DENND1A: variants seen among roughly 807,000 people sequenced by gnomAD.
The protein encoded by DENND1A is DENN domain containing 1A.
DENND1A carries 51 observed loss-of-function variants against 113.7 expected under a neutral mutation model. The observed-to-expected ratio is 0.45, with a 90% CI of 0.36 to 0.57. The LOEUF is 0.57. Ranked by LOEUF, DENND1A falls within the 20% of genes least tolerant of loss-of-function variation. The pLI is 0.00. For missense variants in DENND1A, 1,258 were observed against 1,395.9 expected (o/e 0.90, Z 1.57); for synonymous variants, 565 against 570.8 (o/e 0.99, Z 0.14).
intron 3 of DENND1A, among the ~76,000 whole-genome samples, chr9:123,785,715 G>A (rs1026022251): frequency 4.0e-5 from 6 of 151,864 alleles, no homozygotes; most frequent in Admixed American, 2.0e-4. Flanking sequence ...CAAGAAACCC[G>A]CTTCAGCAGA....
At chr9:123,475,309 G>T (rs1353909765) in intron 13 of DENND1A, among the ~76,000 whole-genome samples, 3 of 152,134 alleles carry the variant, frequency 2.0e-5, no homozygotes, top group African/African-American at 7.2e-5. Context: ...ATGAACCACC[G>T]CATCTGGCCT....
intron 21 of DENND1A, among the ~76,000 whole-genome samples, chr9:123,393,842 G>A (rs867326134): frequency 1.3e-5 from 2 of 152,308 alleles, no homozygotes; most frequent in Middle Eastern, 3.4e-3. Context: ...CCAGTGAACT[G>A]GTTTAGGGGA....
At chr9:123,863,491 A>T (rs1450117751) in intron 2 of DENND1A, among the ~76,000 whole-genome samples, 1 of 152,230 alleles carries the variant, frequency 6.6e-6, no homozygotes, top group Non-Finnish European at 1.5e-5. Context: ...TTGTCATAAA[A>T]GCTGCAGAGT....
intron 19 of DENND1A, among the ~76,000 whole-genome samples, chr9:123,425,280 G>A (rs576943263): frequency 1.6e-4 from 25 of 152,290 alleles, no homozygotes; most frequent in Non-Finnish European, 3.2e-4. Flanking sequence ...ATATCTCCCC[G>A]GCAGGGAGCT....
chr9:123,856,751 G>C, intron 2 of DENND1A, among the ~76,000 whole-genome samples: 1 of 151,840 alleles, frequency 6.6e-6, no homozygotes, highest in Admixed American at 6.5e-5. Context: ...AGGCAGAAGA[G>C]GCAGAGCGAC....
chr9:123,656,953 A>G (rs1396550790), intron 8 of DENND1A, among the ~76,000 whole-genome samples: 1 of 152,110 alleles, frequency 6.6e-6, no homozygotes, highest in Non-Finnish European at 1.5e-5. Context: ...TTACACATAC[A>G]TTTATGTCCC....
chr9:123,856,929 A>T (rs1418060452), intron 2 of DENND1A, among the ~76,000 whole-genome samples: 1 of 152,138 alleles, frequency 6.6e-6, no homozygotes, highest in Admixed American at 6.5e-5. Context: ...ACAAATATGG[A>T]AAGGGAGAAA....
chr9:123,403,127 CCTT>C (rs1249307891), intron 21 of DENND1A, among the ~76,000 whole-genome samples: 1 of 152,228 alleles, frequency 6.6e-6, no homozygotes. Flanking sequence ...AGGCCTAGGA[CCTT>C]CTTCTGAACC....
intron 13 of DENND1A, among the ~76,000 whole-genome samples, chr9:123,511,502 G>A (rs1469292279): frequency 1.3e-5 from 2 of 152,192 alleles, no homozygotes; most frequent in African/African-American, 4.8e-5. Flanking sequence ...CCCAGCACAG[G>A]GCTGAGGACA....
At chr9:123,458,688 G>A (rs766044105) in intron 13 of DENND1A, among the ~76,000 whole-genome samples, 44 of 152,310 alleles carry the variant, frequency 2.9e-4, no homozygotes, top group African/African-American at 7.9e-4. Context: ...TAGGCCAGGC[G>A]CGGTGGCTCA....
intron 13 of DENND1A, among the ~76,000 whole-genome samples, chr9:123,523,622 A>C (rs1322049160): frequency 6.6e-6 from 1 of 152,208 alleles, no homozygotes; most frequent in Non-Finnish European, 1.5e-5. Context: ...ATTTCTCATG[A>C]AAAGGAAAAC....
At chr9:123,715,940 T>A (rs890097007) in intron 5 of DENND1A, among the ~76,000 whole-genome samples, 1 of 152,056 alleles carries the variant, frequency 6.6e-6, no homozygotes, top group East Asian at 1.9e-4. Flanking sequence ...CCTCCCAAAG[T>A]GCTGGGATTA....
At chr9:123,666,727 G>A (rs2063509068) in intron 8 of DENND1A, among the ~76,000 whole-genome samples, 1 of 152,076 alleles carries the variant, frequency 6.6e-6, no homozygotes, top group Non-Finnish European at 1.5e-5. Context: ...ATTTAACTAT[G>A]TAAAAATACA....
chr9:123,519,837 G>C (rs2054242838), intron 13 of DENND1A, among the ~76,000 whole-genome samples: 1 of 152,114 alleles, frequency 6.6e-6, no homozygotes. Flanking sequence ...GTCACCAGGA[G>C]AGCATCTGGG....
rs73669008 is a variant in DENND1A, at chr9:123,874,932, C to A, written c.88+4019G>T. On this transcript the variant is annotated intron_variant, in intron 2 of 23. Transcript: ENST00000394215. ...ATGTTTACATGTGCCAGGATTCATACGTAGGAAAGGTCACAGTAGCATGGC... is the reference window on the plus strand; with the variant it reads ...ATGTTTACATGTGCCAGGATTCATAAGTAGGAAAGGTCACAGTAGCATGGC... Among the ~76,000 whole-genome samples, 241 of 152,198 alleles carry A rather than the reference C, an allele frequency of 1.6e-3. 1 individual carries two copies. Among genetic ancestry groups the A allele is most frequent in the African/African-American group, 5.5e-3 (229 of 41,506 alleles).
rs1157647679 is a variant in DENND1A at position 123,926,386 on chromosome 9, G to A, written c.17+3503C>T. ...AGTTCAAGACCAGCCTGACCAACAC[G>A]GGAGAAACCCGTCTCTACCAAATAA... On this transcript the variant is annotated intron_variant, in intron 1 of 23. Coordinates refer to ENST00000394215, the MANE Select transcript of DENND1A (RefSeq NM_001352964.2). Among the ~76,000 whole-genome samples the A allele has an allele frequency of 2.6e-5, 4 of 151,944 alleles. No individual in the cohort carries two copies. In the South Asian group the frequency reaches 6.2e-4, roughly 24 times the overall value.
chr9:123,567,287 T>A (rs2058107627), intron 12 of DENND1A, among the ~76,000 whole-genome samples: 1 of 152,246 alleles, frequency 6.6e-6, no homozygotes, highest in Non-Finnish European at 1.5e-5. Context: ...GGTCTAAGGC[T>A]TTTCAGTTGT....
At chr9:123,429,187 C>T (rs765639001) in intron 19 of DENND1A, among the ~76,000 whole-genome samples, 2 of 152,178 alleles carry the variant, frequency 1.3e-5, no homozygotes, top group Non-Finnish European at 2.9e-5. Flanking sequence ...TGTACAAAAA[C>T]AGATATAGAC....
Position 123,535,836 on chromosome 9 carries a change from T to C in DENND1A, c.993+21734A>G, listed in dbSNP as rs77003308. Among the ~76,000 whole-genome samples the C allele has an allele frequency of 5.3e-3, 813 of 152,342 alleles. 9 individuals are homozygous for C. Among genetic ancestry groups the C allele is most frequent in the African/African-American group, 0.019 (773 of 41,578 alleles). On this transcript the variant is annotated intron_variant, in intron 13 of 23. Coordinates refer to ENST00000394215, the MANE Select transcript of DENND1A (RefSeq NM_001352964.2). ...TCTTCTTTTATTTTTTGTTCATGTTTATTCTCTGTCTTCCTCCACTAGAAT... is the reference window on the plus strand; with the variant it reads ...TCTTCTTTTATTTTTTGTTCATGTTCATTCTCTGTCTTCCTCCACTAGAAT...
Sources: gnomAD v4.1 joint callset for allele counts (sites outside exome capture counted in the v4.1 genomes callset) on GRCh38, gnomAD v4.1.1 for gene constraint, MANE v1.5 for transcripts, NCBI Gene and HGNC (gene_info 2026-07-23, HGNC 2026-07-21) for gene names.